Variants in ACOXL observed in about 807,000 individuals in gnomAD.
The protein encoded by ACOXL is acyl-CoA oxidase like.
Under a neutral mutation model 71.9 loss-of-function variants are expected in ACOXL, and 70 were observed. The ratio of observed to expected loss-of-function variants is 0.97; its 90% CI spans 0.80 to 1.19. The LOEUF is 1.19. Among genes scored for constraint, ACOXL ranks in the 50% most tolerant of loss-of-function variants. ACOXL has a pLI of 0.00. For synonymous variants in ACOXL, 253 were observed against 281.6 expected, an observed-to-expected ratio of 0.90 and a Z score of 1.02; for missense variants, 703 against 736.3, an observed-to-expected ratio of 0.95 and a Z score of 0.52.
At chr2:110,794,323 A>G (rs1559270428) in intron 5 of ACOXL, 149 bp downstream of exon 5, 3 of 734,430 alleles carry the variant, frequency 4.1e-6, no homozygotes, top group Non-Finnish European at 6.7e-6. Context: ...TAAGTGTTTT[A>G]ATAGAGGTGG....
chr2:110,935,634 G>A (rs558911138), intron 12 of ACOXL, among the ~76,000 whole-genome samples: 1 of 152,118 alleles, frequency 6.6e-6, no homozygotes, highest in Non-Finnish European at 1.5e-5. Flanking sequence ...AGAACTCTGC[G>A]CCCAGTAGCT....
Position 111,118,219 on chromosome 2 carries a change from A to C in ACOXL, c.*403A>C. 4.6e-6 allele frequency: 1 copy of C among 218,738 alleles called. No homozygotes were observed. Among genetic ancestry groups the C allele is most frequent in the African/African-American group, 2.7e-5 (1 of 37,414 alleles). 13.5% of individuals were successfully genotyped at this position (218,738 alleles called of 1,614,324 possible). The stretch of plus-strand genomic sequence containing the variant: ...TTTAGAAAAACTGTGGTGCCGAGTG[A>C]AAGAAAAAAAAAAAAGCAAACACCC... On this transcript the variant is annotated 3_prime_UTR_variant, in exon 18 of 18. Transcript: ENST00000439055.
chr2:110,752,298 G>A (rs1421389502), intron 1 of ACOXL, among the ~76,000 whole-genome samples: 2 of 151,968 alleles, frequency 1.3e-5, no homozygotes, highest in African/African-American at 4.8e-5. Context: ...GTGAGCCACC[G>A]CACCTGGCCT....
At chr2:110,918,696 A>T (rs2059953612) in intron 11 of ACOXL, among the ~76,000 whole-genome samples, 1 of 152,218 alleles carries the variant, frequency 6.6e-6, no homozygotes, top group South Asian at 2.1e-4. Flanking sequence ...AACTTAAACA[A>T]ATTTAGAAGA....
chr2:110,747,689 G>A (rs1393574712), intron 1 of ACOXL, among the ~76,000 whole-genome samples: 1 of 152,192 alleles, frequency 6.6e-6, no homozygotes, highest in Non-Finnish European at 1.5e-5. Flanking sequence ...TGGCAGGGGA[G>A]GAAGAGCCAC....
At chr2:110,881,616 T>C (rs749824977) in intron 10 of ACOXL, among the ~76,000 whole-genome samples, 26 of 152,162 alleles carry the variant, frequency 1.7e-4, no homozygotes, top group Admixed American at 5.2e-4. Context: ...CTCTCCATAA[T>C]CTCTCTCTCC....
At chr2:111,095,673 G>A (rs1440789191) in intron 17 of ACOXL, among the ~76,000 whole-genome samples, 1 of 152,124 alleles carries the variant, frequency 6.6e-6, no homozygotes, top group African/African-American at 2.4e-5. Flanking sequence ...TTACAGGCGT[G>A]ATCCACTGCA....
intron 10 of ACOXL, among the ~76,000 whole-genome samples, chr2:110,882,271 C>CT (rs1159999588): frequency 6.6e-6 from 1 of 152,006 alleles, no homozygotes; most frequent in Non-Finnish European, 1.5e-5. Context: ...CATTTATTTT[C>CT]TTTAGTTATC....
Position 110,872,843 on chromosome 2 carries a change from A to G in ACOXL, c.788+31438A>G, listed in dbSNP as rs531789545. Among the ~76,000 whole-genome samples, 24 of 152,012 alleles carry G rather than the reference A, an allele frequency of 1.6e-4. No individual in the cohort carries two copies. In the South Asian group the frequency reaches 3.1e-3, roughly 20 times the overall value. On this transcript the variant is annotated intron_variant, in intron 10 of 17. Transcript: ENST00000439055. Reference sequence around the variant, plus strand: ...AGAGGGAGGGGCTGCTTGTTAGCAAACCCCTAAGCCTCCTGAAGGGCTTGT... The same window carrying G: ...AGAGGGAGGGGCTGCTTGTTAGCAAGCCCCTAAGCCTCCTGAAGGGCTTGT...
intron 5 of ACOXL, among the ~76,000 whole-genome samples, chr2:110,797,912 A>G (rs1262003205): frequency 1.3e-5 from 2 of 152,210 alleles, no homozygotes; most frequent in African/African-American, 4.8e-5. Context: ...GAGATAATTG[A>G]AGAAAGCCTT....
intron 10 of ACOXL, among the ~76,000 whole-genome samples, chr2:110,842,774 G>A (rs757040705): frequency 2.0e-5 from 3 of 152,134 alleles, no homozygotes; most frequent in Non-Finnish European, 2.9e-5. Context: ...TATCAGGGGC[G>A]GAGGGGAAGG....
At chr2:111,000,931 A>C (rs1342441140) in intron 14 of ACOXL, among the ~76,000 whole-genome samples, 1 of 152,216 alleles carries the variant, frequency 6.6e-6, no homozygotes, top group African/African-American at 2.4e-5. Flanking sequence ...CCATATCAGC[A>C]GACAGTGCTA....
intron 10 of ACOXL, among the ~76,000 whole-genome samples, chr2:110,880,462 A>C (rs898958855): frequency 6.6e-6 from 1 of 152,234 alleles, no homozygotes; most frequent in African/African-American, 2.4e-5. Context: ...GAATTTATGT[A>C]ACAATCCTTC....
chr2:110,736,778 C>G (rs1184058625), intron 1 of ACOXL, among the ~76,000 whole-genome samples: 1 of 152,202 alleles, frequency 6.6e-6, no homozygotes, highest in Non-Finnish European at 1.5e-5. Context: ...CACCACCACA[C>G]CTGGCTAATT....
At chr2:110,945,170 C>G (rs1430523152) in intron 12 of ACOXL, among the ~76,000 whole-genome samples, 1 of 152,180 alleles carries the variant, frequency 6.6e-6, no homozygotes, top group African/African-American at 2.4e-5. Context: ...TGTTCATGTC[C>G]TTTGCCCACT....
intron 10 of ACOXL, among the ~76,000 whole-genome samples, chr2:110,895,546 A>T (rs563786298): frequency 3.3e-5 from 5 of 152,278 alleles, no homozygotes; most frequent in African/African-American, 1.2e-4. Flanking sequence ...GACAAAAGAC[A>T]TATCTATCGA....
At chr2:110,844,135 C>G (rs1293078673) in intron 10 of ACOXL, among the ~76,000 whole-genome samples, 1 of 152,174 alleles carries the variant, frequency 6.6e-6, no homozygotes, top group East Asian at 1.9e-4. Context: ...AGCATGAGGG[C>G]TTTCTAGGCT....
chr2:110,997,890 A>C (rs1301448186), intron 14 of ACOXL, among the ~76,000 whole-genome samples: 1 of 152,074 alleles, frequency 6.6e-6, no homozygotes, highest in African/African-American at 2.4e-5. Context: ...CTCTACAAAA[A>C]ATACAAAGAA....
intron 11 of ACOXL, among the ~76,000 whole-genome samples, chr2:110,926,777 C>T (rs1339394644): frequency 6.6e-6 from 1 of 152,076 alleles, no homozygotes; most frequent in Non-Finnish European, 1.5e-5. Context: ...CAAAGCCTTC[C>T]TTCCCTGTCA....
Sources: gnomAD v4.1 joint callset for allele counts (sites outside exome capture counted in the v4.1 genomes callset) on GRCh38, gnomAD v4.1.1 for gene constraint, MANE v1.5 for transcripts, NCBI Gene and HGNC (gene_info 2026-07-23, HGNC 2026-07-21) for gene names.